ANKFN1: variants seen among roughly 807,000 people sequenced by gnomAD.
ANKFN1 encodes the protein ankyrin repeat and fibronectin type-III domain-containing protein 1.
ANKFN1 carries 74 observed loss-of-function variants against 108.7 expected under a neutral mutation model. The observed-to-expected ratio is 0.68, with a 90% CI of 0.56 to 0.83. The LOEUF (loss-of-function observed/expected upper bound fraction) is 0.83, where lower values mean the gene tolerates loss of function less well. Among genes scored for constraint, ANKFN1 ranks in the 40% least tolerant of loss-of-function variants. The pLI is 0.00. For missense variants in ANKFN1, 1,505 were observed against 1,382.3 expected (o/e 1.09, Z -1.41); for synonymous variants, 547 against 516.2 (o/e 1.06, Z -0.81).
At chr17:56,184,599 T>C (rs1912011896) in intron 1 of ANKFN1, 1 of 152,170 alleles carries the variant, frequency 6.6e-6, no homozygotes, top group African/African-American at 2.4e-5. Flanking sequence ...ACTTTGATTT[T>C]GATATTCAAA....
intron 3 of ANKFN1, among the ~76,000 whole-genome samples, chr17:56,319,085 A>G (rs1489429058): frequency 6.6e-6 from 1 of 152,188 alleles, no homozygotes. Context: ...AACATAGACA[A>G]AGGAGGAAGA....
At chr17:56,163,733 T>G (rs960054870) in intron 1 of ANKFN1, among the ~76,000 whole-genome samples, 1 of 152,202 alleles carries the variant, frequency 6.6e-6, no homozygotes, top group African/African-American at 2.4e-5. Flanking sequence ...TCCATTTAGC[T>G]CTACCTAATA....
In ANKFN1 at chr17:56,492,348, A is replaced by C; in HGVS notation, c.2422A>C (p.Ile808Leu). 2 of 702,182 alleles carry C rather than the reference A, an allele frequency of 2.8e-6. No homozygotes were observed. The highest frequency in any genetic ancestry group is 5.2e-6 in the Non-Finnish European group (2 of 384,416). 43.5% of individuals were successfully genotyped at this position (702,182 alleles called of 1,614,324 possible). A position where few individuals can be genotyped will look rare whatever the true frequency, so the allele number is the denominator to read the frequency against. The change falls in exon 19 of 21, where the codon ATT becomes CTT. Residue 808 changes from isoleucine to leucine, a missense_variant. By Grantham distance (5) the Ile-to-Leu change is conservative. Coordinates refer to ENST00000682825, the MANE Select transcript of ANKFN1 (RefSeq NM_001370326.1). Reference sequence around the variant, plus strand: ...AAGACACCAGCAAGTTTTAGATTTCATTCAGGTAATTGTTTGTTCCTTCTG... The same window carrying C: ...AAGACACCAGCAAGTTTTAGATTTCCTTCAGGTAATTGTTTGTTCCTTCTG... ...KQRHQQVLDF[I>L]QQIDEVWREM...
In ANKFN1 at chr17:56,511,043, T is replaced by C; in HGVS notation, c.3215T>C (p.Leu1072Pro). 1 of 1,535,988 alleles carries C rather than the reference T, an allele frequency of 6.5e-7. No individual in the cohort carries two copies. The highest frequency in any genetic ancestry group is 1.2e-5 in the South Asian group (1 of 84,054). ...RGLTLAHAAS[L>P]PEERNSSLQD... ...CTAACTCTGGCCCACGCTGCCAGCC[T>C]TCCTGAGGAGCGGAACAGCAGTCTC... is the stretch of plus-strand genomic sequence containing the variant. The change falls in exon 21 of 21, where the codon CTT (leucine) becomes CCT (proline). Residue 1072 changes from leucine (L) to proline (P), a missense_variant. By Grantham distance (98) the Leu-to-Pro change is moderately conservative (BLOSUM62 -3). Transcript: ENST00000682825.
intron 3 of ANKFN1, among the ~76,000 whole-genome samples, chr17:56,273,042 AT>A (rs1245259641): frequency 6.6e-6 from 1 of 152,218 alleles, no homozygotes; most frequent in Non-Finnish European, 1.5e-5. Flanking sequence ...TAAGACATCA[AT>A]TTGACACAAA....
At chr17:56,081,045 C>T (rs1905239755) in intron 4 of ANKFN1, among the ~76,000 whole-genome samples, 1 of 152,076 alleles carries the variant, frequency 6.6e-6, no homozygotes, top group African/African-American at 2.4e-5. Flanking sequence ...AATACAAAGA[C>T]CTGGCCCCTT....
At chr17:56,105,304 A>G (rs571826160) in intron 4 of ANKFN1, among the ~76,000 whole-genome samples, 1 of 152,294 alleles carries the variant, frequency 6.6e-6, no homozygotes, top group South Asian at 2.1e-4. Context: ...GAGGACAGGC[A>G]GAGGACGAGG....
intron 20 of ANKFN1, among the ~76,000 whole-genome samples, chr17:56,506,934 G>A (rs1052114575): frequency 6.6e-6 from 1 of 152,168 alleles, no homozygotes; most frequent in Non-Finnish European, 1.5e-5. Flanking sequence ...GAGAATTGCT[G>A]TAAGTGTTAA....
chr17:56,435,002 G>GT (rs974366258), intron 8 of ANKFN1, among the ~76,000 whole-genome samples: 2 of 152,080 alleles, frequency 1.3e-5, no homozygotes, highest in East Asian at 3.9e-4. Flanking sequence ...TACACTTTTA[G>GT]TTTTTTTGGT....
At chr17:56,075,289 G>C (rs1019558392) in intron 4 of ANKFN1, among the ~76,000 whole-genome samples, 2 of 152,146 alleles carry the variant, frequency 1.3e-5, no homozygotes, top group Non-Finnish European at 1.5e-5. Context: ...TGGAACTAAC[G>C]ATGCTTAACC....
At chr17:56,119,395 T>C (rs555408954) in intron 4 of ANKFN1, among the ~76,000 whole-genome samples, 26 of 152,182 alleles carry the variant, frequency 1.7e-4, no homozygotes, top group Non-Finnish European at 3.5e-4. Flanking sequence ...GTGAAGATGC[T>C]TTGGATTGAG....
intron 1 of ANKFN1, among the ~76,000 whole-genome samples, chr17:56,190,374 A>G (rs1912779742): frequency 9.5e-6 from 1 of 104,956 alleles, no homozygotes; most frequent in Non-Finnish European, 1.9e-5. Flanking sequence ...CCCTCTACAC[A>G]CTGCTTTGAA....
intron 3 of ANKFN1, among the ~76,000 whole-genome samples, chr17:56,318,511 C>T (rs1230684139): frequency 6.6e-6 from 1 of 152,110 alleles, no homozygotes; most frequent in Non-Finnish European, 1.5e-5. Flanking sequence ...CAATGAGGCC[C>T]GGGTCCTGCC....
At position 56,326,311 on chromosome 17, in the gene ANKFN1, A is replaced by G. The variant is rs763030241; in HGVS notation, c.144A>G (p.Gln48=). 1.9e-6 allele frequency: 3 copies of G among 1,613,994 alleles called. No homozygotes were observed. Among genetic ancestry groups the G allele is most frequent in the East Asian group, 4.5e-5 (2 of 44,870 alleles). The change falls in exon 4 of 21, where the codon CAA becomes CAG. Residue 48 remains glutamine, a synonymous_variant. Coordinates refer to ENST00000682825, the MANE Select transcript of ANKFN1 (RefSeq NM_001370326.1). ...QCDLLNESTG[Q]LPTTCSSAAS... The stretch of plus-strand genomic sequence containing the variant: ...ATTTATTGAATGAAAGCACTGGACA[A>G]TTACCAACAACTTGTTCCTCTGCTG...
At chr17:56,292,715 G>A (rs2044396197) in intron 3 of ANKFN1, among the ~76,000 whole-genome samples, 1 of 151,964 alleles carries the variant, frequency 6.6e-6, no homozygotes, top group African/African-American at 2.4e-5. Context: ...AAGCAAAGCA[G>A]TTTGATTTAG....
intron 3 of ANKFN1, among the ~76,000 whole-genome samples, chr17:56,304,724 C>G (rs992585284): frequency 6.6e-6 from 1 of 151,960 alleles, no homozygotes; most frequent in Non-Finnish European, 1.5e-5. Flanking sequence ...TTTGCATTCC[C>G]CTAATGGCTA....
chr17:56,229,893 A>G (rs1269021043), intron 3 of ANKFN1, among the ~76,000 whole-genome samples: 2 of 152,034 alleles, frequency 1.3e-5, no homozygotes, highest in African/African-American at 4.8e-5. Context: ...ATCTCTGAGC[A>G]ACCGGGGAAA....
intron 4 of ANKFN1, among the ~76,000 whole-genome samples, chr17:56,145,977 G>A (rs977642461): frequency 6.6e-6 from 1 of 152,172 alleles, no homozygotes; most frequent in East Asian, 1.9e-4. Flanking sequence ...AAAATCAAAA[G>A]CAAGTTAGTT....
At chr17:56,411,958 T>C (rs988510946) in intron 8 of ANKFN1, among the ~76,000 whole-genome samples, 3 of 152,202 alleles carry the variant, frequency 2.0e-5, no homozygotes, top group Non-Finnish European at 4.4e-5. Flanking sequence ...TCTTTTCTTG[T>C]GTTATTCCTT....
Sources: allele counts gnomAD v4.1 joint callset (sites outside exome capture counted in the v4.1 genomes callset), GRCh38; gene constraint gnomAD v4.1.1; transcripts MANE v1.5; gene names NCBI Gene and HGNC (gene_info 2026-07-23, HGNC 2026-07-21).